Variants in ERLEC1 observed in about 807,000 individuals in gnomAD.
The protein encoded by ERLEC1 is endoplasmic reticulum lectin 1.
Under a neutral mutation model 68.0 loss-of-function variants are expected in ERLEC1, and 47 were observed. The ratio of observed to expected loss-of-function variants is 0.69; its 90% confidence interval spans 0.55 to 0.88. The LOEUF (loss-of-function observed/expected upper bound fraction) is 0.88, where lower values mean the gene tolerates loss of function less well. Ranked by LOEUF, ERLEC1 falls within the 40% of genes least tolerant of loss-of-function variation. The pLI, the probability that ERLEC1 is intolerant of heterozygous loss-of-function variation, is 0.00. For missense variants in ERLEC1, 567 were observed against 583.8 expected, an observed-to-expected ratio of 0.97 and a Z score of 0.30; for synonymous variants, 225 against 203.2, an observed-to-expected ratio of 1.11 and a Z score of -0.91.
intron 1 of ERLEC1, among the ~76,000 whole-genome samples, chr2:53,788,087 C>G (rs1675169758): frequency 6.6e-6 from 1 of 152,180 alleles, no homozygotes; most frequent in Admixed American, 6.5e-5. Context: ...GAAAAGTCTT[C>G]CTGTCCACGT....
intron 8 of ERLEC1, among the ~76,000 whole-genome samples, chr2:53,803,631 A>G (rs1284577284): frequency 1.3e-5 from 2 of 152,016 alleles, no homozygotes; most frequent in Non-Finnish European, 2.9e-5. Flanking sequence ...AGTGATATAA[A>G]AGTCGTGCTA....
In ERLEC1 at chr2:53,814,892, C is replaced by A. The variant is rs200763903; in HGVS notation, c.1337C>A (p.Thr446Asn). 17 of 1,607,300 alleles carry A rather than the reference C, an allele frequency of 1.1e-5. No homozygotes were observed. Among genetic ancestry groups the A allele is most frequent in the African/African-American group, 1.3e-5 (1 of 74,124 alleles). ...GAATCAGATTCACCTCATGCTGTTA[C>A]TGTATATATGCTAGAGCCTCACTCC... ...CKESDSPHAV[T>N]VYMLEPHSCQ... The change falls in exon 13 of 14, where the codon ACT becomes AAT. Residue 446 changes from threonine (T) to asparagine (N), a missense_variant. Thr to Asn is a moderately conservative substitution (Grantham distance 65). Transcript: ENST00000185150.
At chr2:53,805,864 A>C (rs766477203) in intron 8 of ERLEC1, among the ~76,000 whole-genome samples, 1 of 152,084 alleles carries the variant, frequency 6.6e-6, no homozygotes, top group East Asian at 1.9e-4. Flanking sequence ...ATGATATCTC[A>C]TTGTAGTTTT....
intron 8 of ERLEC1, among the ~76,000 whole-genome samples, chr2:53,802,781 G>T (rs1676073476): frequency 6.6e-6 from 1 of 152,142 alleles, no homozygotes; most frequent in South Asian, 2.1e-4. Context: ...ACCCAGGCTG[G>T]AGTGCAGTGG....
chr2:53,796,253 T>C (rs1001917514), intron 3 of ERLEC1, among the ~76,000 whole-genome samples: 2 of 151,218 alleles, frequency 1.3e-5, no homozygotes, highest in African/African-American at 4.8e-5. Context: ...TTGGTTTTTT[T>C]TTTTTTTTTT....
chr2:53,804,762 T>A (rs1023726696), intron 8 of ERLEC1, among the ~76,000 whole-genome samples: 8 of 152,062 alleles, frequency 5.3e-5, no homozygotes, highest in African/African-American at 1.9e-4. Flanking sequence ...TCTAAGAGGT[T>A]TTTTTTGTAC....
chr2:53,800,790 C>T (rs1296750365), intron 6 of ERLEC1, among the ~76,000 whole-genome samples: 1 of 151,968 alleles, frequency 6.6e-6, no homozygotes, highest in Non-Finnish European at 1.5e-5. Context: ...TTTAATTTGT[C>T]TTTTGCTGGC....
chr2:53,814,677 G>T, intron 12 of ERLEC1, 57 bp downstream of exon 12: 1 of 1,287,890 alleles, frequency 7.8e-7, no homozygotes, highest in South Asian at 1.3e-5. Flanking sequence ...GCTTCCTATG[G>T]ACAAAAGTTT....
intron 1 of ERLEC1, among the ~76,000 whole-genome samples, chr2:53,792,642 T>G (rs1055546125): frequency 2.6e-5 from 4 of 152,222 alleles, no homozygotes; most frequent in Non-Finnish European, 5.9e-5. Context: ...GTTTTGTTTT[T>G]TTTGTCTTAG....
intron 6 of ERLEC1, among the ~76,000 whole-genome samples, chr2:53,799,472 T>C (rs1675892182): frequency 2.0e-5 from 3 of 152,142 alleles, no homozygotes; most frequent in Admixed American, 6.5e-5. Flanking sequence ...ACTGCAAGCA[T>C]GTTAAAAGCA....
chr2:53,795,340 T>A (rs1299443841), intron 2 of ERLEC1, among the ~76,000 whole-genome samples: 2 of 152,166 alleles, frequency 1.3e-5, no homozygotes, highest in Non-Finnish European at 2.9e-5. Context: ...ATTAAGCCAA[T>A]TCAGTAATAT....
At chr2:53,805,687 T>C (rs1375206186) in intron 8 of ERLEC1, among the ~76,000 whole-genome samples, 1 of 152,234 alleles carries the variant, frequency 6.6e-6, no homozygotes, top group Non-Finnish European at 1.5e-5. Flanking sequence ...CTGGATCTTA[T>C]AATAATTCTA....
Position 53,817,978 on chromosome 2 carries a change from A to G in ERLEC1, c.*9A>G. On this transcript the variant is annotated 3_prime_UTR_variant, in exon 14 of 14. Coordinates refer to ENST00000185150, the MANE Select transcript of ERLEC1 (RefSeq NM_015701.5). ...TTTCTCTCCCCAACTAAAGGATATT[A>G]AAGTTAGGGGAAAGAAAAGATCATT... The G allele has an allele frequency of 6.8e-7, 1 of 1,480,400 alleles. No homozygotes were observed. Among genetic ancestry groups the G allele is most frequent in the South Asian group, 1.1e-5 (1 of 88,288 alleles). The allele number at this position is 1,480,400 out of a possible 1,614,324, so 91.7% of individuals were successfully genotyped here.
chr2:53,796,048 T>C (rs753129038), intron 3 of ERLEC1, 35 bp downstream of exon 3: 2 of 1,377,012 alleles, frequency 1.5e-6, no homozygotes, highest in Non-Finnish European at 1.0e-6. Flanking sequence ...GACTAGAAAA[T>C]AGATTACCAA....
At chr2:53,814,698 G>A in intron 12 of ERLEC1, 78 bp downstream of exon 12, 1 of 1,081,244 alleles carries the variant, frequency 9.2e-7, no homozygotes, top group African/African-American at 1.6e-5. Context: ...TATGTAAACA[G>A]TATAATTATG....
chr2:53,790,887 A>G (rs1236192284), intron 1 of ERLEC1, among the ~76,000 whole-genome samples: 1 of 152,214 alleles, frequency 6.6e-6, no homozygotes, highest in Admixed American at 6.5e-5. Flanking sequence ...TTCCTTCTGA[A>G]GTATCACCTC....
chr2:53,810,412 C>G (rs1183829423), intron 10 of ERLEC1, among the ~76,000 whole-genome samples: 2 of 152,108 alleles, frequency 1.3e-5, no homozygotes, highest in African/African-American at 2.4e-5. Flanking sequence ...TTTTATAACT[C>G]ACCGTATTCT....
At chr2:53,803,430 T>C (rs1038209255) in intron 8 of ERLEC1, among the ~76,000 whole-genome samples, 10 of 152,188 alleles carry the variant, frequency 6.6e-5, no homozygotes, top group African/African-American at 2.4e-4. Context: ...CCAGCTTTCG[T>C]TACTCTTCAA....
Position 53,797,796 on chromosome 2 carries a change from G to T in ERLEC1, c.490+1G>T, listed in dbSNP as rs1258645878. 1 of 1,611,022 alleles carries T rather than the reference G, an allele frequency of 6.2e-7. No homozygotes were observed. On this transcript the variant is annotated splice_donor_variant, in intron 5 of 13. Transcript: ENST00000185150. LOFTEE classifies it high-confidence loss of function. ...GCCAAGAACCTTCTATTTGAAAAAG[G>T]TTGGTGTCTACCCAGTGATTTGACA...
Sources: gnomAD v4.1 joint callset for allele counts (sites outside exome capture counted in the v4.1 genomes callset) on GRCh38, gnomAD v4.1.1 for gene constraint, MANE v1.5 for transcripts, NCBI Gene and HGNC (gene_info 2026-07-23, HGNC 2026-07-21) for gene names.